Variants in KCNMA1 observed in about 807,000 individuals in gnomAD.
KCNMA1 encodes potassium calcium-activated channel subfamily M alpha 1.
Under a neutral mutation model 140.0 loss-of-function variants are expected in KCNMA1, and 29 were observed. The observed-to-expected ratio is 0.21, with a 90% CI of 0.15 to 0.28. The LOEUF (loss-of-function observed/expected upper bound fraction) is 0.28. Among genes scored for constraint, KCNMA1 ranks in the 10% least tolerant of loss-of-function variants. The pLI is 1.00. For synonymous variants in KCNMA1, 612 were observed against 611.9 expected (o/e 1.00, Z 0.00); for missense variants, 880 against 1,602.2 (o/e 0.55, Z 7.70).
intron 1 of KCNMA1, among the ~76,000 whole-genome samples, chr10:77,417,429 G>C (rs1358717805): frequency 6.6e-6 from 1 of 152,162 alleles, no homozygotes; most frequent in African/African-American, 2.4e-5. Flanking sequence ...GCTTTCCCAG[G>C]CATCACTGAC....
chr10:77,359,617 G>A (rs147352678), intron 2 of KCNMA1, among the ~76,000 whole-genome samples: 1 of 152,242 alleles, frequency 6.6e-6, no homozygotes, highest in African/African-American at 2.4e-5. Context: ...AAGTATAAGG[G>A]AGCCTGTGTG....
At chr10:76,941,018 G>GAAGAAAGAAAGA (rs758943097) in intron 23 of KCNMA1, among the ~76,000 whole-genome samples, 864 of 38,246 alleles carry the variant, frequency 0.023, 24 homozygotes, top group East Asian at 0.035. Flanking sequence ...AGGAAGGAAG[G>GAAGAAAGAAAGA]AAGAAAGAAA....
intron 1 of KCNMA1, among the ~76,000 whole-genome samples, chr10:77,440,351 GGAGA>G (rs2097369191): frequency 6.6e-6 from 1 of 152,128 alleles, no homozygotes. Context: ...AAACTCAGGA[GGAGA>G]GAAATTAAAA....
chr10:77,465,130 C>T (rs1258696941), intron 1 of KCNMA1, among the ~76,000 whole-genome samples: 1 of 152,202 alleles, frequency 6.6e-6, no homozygotes, highest in East Asian at 1.9e-4. Flanking sequence ...TCCCTCTCGG[C>T]CTCCATCCAG....
At chr10:77,595,531 A>T (rs2080648501) in intron 1 of KCNMA1, among the ~76,000 whole-genome samples, 1 of 152,174 alleles carries the variant, frequency 6.6e-6, no homozygotes, top group Admixed American at 6.6e-5. Context: ...TCAGTACAGC[A>T]CACACCAAAA....
At position 77,082,672 on chromosome 10, in the gene KCNMA1, C is replaced by G. The variant is rs114810223; in HGVS notation, c.1523+1965G>C. On this transcript the variant is annotated intron_variant, in intron 12 of 27. Coordinates refer to ENST00000286628, the MANE Select transcript of KCNMA1 (RefSeq NM_001161352.2). ...AACAAGTGACACACCCAACCCTGAT[C>G]CTGGTGTAGCCACTGTGCAGCTGTA... 9.8e-3 allele frequency among the ~76,000 whole-genome samples: 1,489 copies of G among 152,288 alleles called. 28 individuals carry two copies. Among genetic ancestry groups the G allele is most frequent in the African/African-American group, 0.034 (1,412 of 41,560 alleles).
intron 3 of KCNMA1, among the ~76,000 whole-genome samples, chr10:77,244,486 A>G (rs2058105354): frequency 6.6e-6 from 1 of 152,206 alleles, no homozygotes; most frequent in South Asian, 2.1e-4. Context: ...ATAAGCAAGG[A>G]AGACAAGATT....
chr10:77,438,585 A>G (rs1316751780), intron 1 of KCNMA1, among the ~76,000 whole-genome samples: 2 of 151,744 alleles, frequency 1.3e-5, no homozygotes, highest in Non-Finnish European at 2.9e-5. Flanking sequence ...AAAACAAAGA[A>G]GTACTTCAAA....
At chr10:76,924,497 A>C (rs369094122) in intron 23 of KCNMA1, among the ~76,000 whole-genome samples, 5 of 152,106 alleles carry the variant, frequency 3.3e-5, no homozygotes, top group East Asian at 3.9e-4. Flanking sequence ...TAATGAAAAA[A>C]ATTTTTTAAA....
At chr10:77,324,460 C>A (rs2083278793) in intron 2 of KCNMA1, among the ~76,000 whole-genome samples, 1 of 152,188 alleles carries the variant, frequency 6.6e-6, no homozygotes, top group African/African-American at 2.4e-5. Flanking sequence ...TGACACCTCT[C>A]CCACCCAGCT....
At position 77,506,850 on chromosome 10, in the gene KCNMA1, T is replaced by A. The variant is rs958075868; in HGVS notation, c.379-102827A>T. ...GAGAGAGAGAGAGAGAGTGTGTGTG[T>A]GTGTGTGTGTGTGTGTGTGTGTTAG... On this transcript the variant is annotated intron_variant, in intron 1 of 27. Coordinates refer to ENST00000286628, the MANE Select transcript of KCNMA1 (RefSeq NM_001161352.2). Among the ~76,000 whole-genome samples the A allele has an allele frequency of 3.5e-3, 521 of 147,310 alleles. 5 individuals carry two copies. The highest frequency in any genetic ancestry group is 0.012 in the African/African-American group (461 of 39,452).
rs2044585003 is a variant in KCNMA1 at position 76,900,334 on chromosome 10, G to A, written c.3148-8615C>T. Among the ~76,000 whole-genome samples, 3 of 151,946 alleles carry A rather than the reference G, an allele frequency of 2.0e-5. 1 individual carries two copies. The South Asian group carries it at 6.2e-4, about 31-fold the overall frequency. On this transcript the variant is annotated intron_variant, in intron 25 of 27. Coordinates refer to ENST00000286628, the MANE Select transcript of KCNMA1 (RefSeq NM_001161352.2). ...TATTACAAAAAGTACATAATGCTCT[G>A]ATTTGGGGACTTCCAGAGGGAAAAA...
At chr10:77,120,434 C>A (rs1008298137) in intron 6 of KCNMA1, among the ~76,000 whole-genome samples, 1 of 152,158 alleles carries the variant, frequency 6.6e-6, no homozygotes, top group Non-Finnish European at 1.5e-5. Context: ...GAGAAAGCCC[C>A]AAGGGCTATA....
intron 5 of KCNMA1, among the ~76,000 whole-genome samples, chr10:77,172,785 T>G (rs1237981472): frequency 2.6e-5 from 4 of 151,998 alleles, no homozygotes; most frequent in African/African-American, 7.2e-5. Flanking sequence ...GGGTAATTTA[T>G]AAACAACAGC....
intron 3 of KCNMA1, among the ~76,000 whole-genome samples, chr10:77,210,423 T>C (rs1449497040): frequency 6.6e-6 from 1 of 151,936 alleles, no homozygotes; most frequent in African/African-American, 2.4e-5. Flanking sequence ...CTCAAAATAA[T>C]AAAAACCATC....
At chr10:77,341,596 C>T (rs1025429482) in intron 2 of KCNMA1, among the ~76,000 whole-genome samples, 52 of 152,184 alleles carry the variant, frequency 3.4e-4, no homozygotes, top group African/African-American at 1.2e-3. Flanking sequence ...CCCCCAGATC[C>T]CCTTGTGTTC....
intron 2 of KCNMA1, among the ~76,000 whole-genome samples, chr10:77,336,383 T>G (rs2088979892): frequency 6.6e-6 from 1 of 150,958 alleles, no homozygotes; most frequent in Non-Finnish European, 1.5e-5. Flanking sequence ...TTTTCTGAGG[T>G]TTCATACACT....
intron 2 of KCNMA1, among the ~76,000 whole-genome samples, chr10:77,272,794 C>G (rs2065538358): frequency 6.6e-6 from 1 of 152,146 alleles, no homozygotes; most frequent in Non-Finnish European, 1.5e-5. Flanking sequence ...AATTATATGG[C>G]AGTGTTTCAA....
At chr10:77,601,672 G>A (rs1266516462) in intron 1 of KCNMA1, among the ~76,000 whole-genome samples, 1 of 152,124 alleles carries the variant, frequency 6.6e-6, no homozygotes, top group Non-Finnish European at 1.5e-5. Flanking sequence ...CAATCCCAAT[G>A]GTCTGTTTAT....
Sources: allele counts gnomAD v4.1 joint callset (sites outside exome capture counted in the v4.1 genomes callset), GRCh38; gene constraint gnomAD v4.1.1; transcripts MANE v1.5; gene names NCBI Gene and HGNC (gene_info 2026-07-23, HGNC 2026-07-21).